APPBP2: variants seen among roughly 807,000 people sequenced by gnomAD.
APPBP2 encodes amyloid beta precursor protein binding protein 2, also known as amyloid protein-binding protein 2.
In APPBP2, 15 loss-of-function variants were observed where a neutral mutation model predicts 76.0. The observed-to-expected ratio is 0.20, with a 90% CI of 0.13 to 0.30. The LOEUF (loss-of-function observed/expected upper bound fraction) is 0.30, where lower values mean the gene tolerates loss of function less well. Among genes scored for constraint, APPBP2 ranks in the 10% least tolerant of loss-of-function variants. The pLI, the probability that APPBP2 is intolerant of heterozygous loss-of-function variation, is 1.00. For synonymous variants in APPBP2, 222 were observed against 242.2 expected (o/e 0.92, Z 0.77); for missense variants, 401 against 687.2 (o/e 0.58, Z 4.66).
chr17:60,466,522 T>A, intron 4 of APPBP2, 63 bp from the exon 5 acceptor site: 1 of 1,461,986 alleles, frequency 6.8e-7, no homozygotes, highest in Non-Finnish European at 9.4e-7. Flanking sequence ...CCTGATGACC[T>A]CTTACCAATC....
At chr17:60,509,734 G>A (rs982622550) in intron 1 of APPBP2, among the ~76,000 whole-genome samples, 1 of 152,204 alleles carries the variant, frequency 6.6e-6, no homozygotes, top group African/African-American at 2.4e-5. Context: ...AGGAGGTGGA[G>A]GCTGCGGTGA....
chr17:60,445,636 T>C lies in APPBP2; in HGVS notation c.*1945A>G, dbSNP rs2090339608. The C allele has an allele frequency of 6.6e-6, 1 of 152,174 alleles. No individual in the cohort carries two copies. The highest frequency in any genetic ancestry group is 2.4e-5 in the African/African-American group (1 of 41,352). The allele number at this position is 152,174 out of a possible 1,614,324, so 9.4% of individuals were successfully genotyped here. On this transcript the variant is annotated 3_prime_UTR_variant, in exon 13 of 13. Coordinates refer to ENST00000083182, the MANE Select transcript of APPBP2 (RefSeq NM_006380.5). ...AGGATAGAGCTGAGTAACTTAAAAA[T>C]GTTAGTCCTTGGTCACAAAGACTAT... is the stretch of plus-strand genomic sequence containing the variant.
rs113119147 is a variant in APPBP2, at chr17:60,503,544, C to T, written c.139-3057G>A. Among the ~76,000 whole-genome samples, 284 of 145,660 alleles carry T rather than the reference C, an allele frequency of 1.9e-3. 51 individuals are homozygous for T. The highest frequency in any genetic ancestry group is 7.8e-3 in the African/African-American group (274 of 35,314). On this transcript the variant is annotated intron_variant, in intron 1 of 12. Transcript: ENST00000083182. ...GGGATTACAGGCGCCCGCCACCACG[C>T]CCAGCTAATTTTTGTATTTTTAGTA...
Position 60,505,676 on chromosome 17 carries a change from G to GTTTTTTTT in APPBP2, c.139-5197_139-5190dup, listed in dbSNP as rs1170935393. ...TCCTAAAAGCCACCTGACCCCTGCG[G>GTTTTTTTT]TTTTTTTTTTTTTTTTTTTTTTTTT... On this transcript the variant is annotated intron_variant, in intron 1 of 12. Transcript: ENST00000083182. 6.9e-3 allele frequency among the ~76,000 whole-genome samples: 588 copies of GTTTTTTTT among 85,678 alleles called. 99 individuals carry two copies. Among genetic ancestry groups the GTTTTTTTT allele is most frequent in the African/African-American group, 0.043 (554 of 12,972 alleles). The allele number at this position is 85,678 out of a possible 152,430, so 56.2% of individuals were successfully genotyped here.
intron 1 of APPBP2, among the ~76,000 whole-genome samples, chr17:60,523,228 A>T (rs2091024718): frequency 6.6e-6 from 1 of 152,146 alleles, no homozygotes; most frequent in Non-Finnish European, 1.5e-5. Context: ...AATTTTCACA[A>T]GTTGGGCAGG....
In APPBP2 at chr17:60,443,988, C is replaced by A. The variant is rs1309395716; in HGVS notation, c.*3593G>T. The A allele has an allele frequency of 6.6e-6, 1 of 152,194 alleles. No homozygotes were observed. The highest frequency in any genetic ancestry group is 6.6e-5 in the Admixed American group (1 of 15,236). The allele number at this position is 152,194 out of a possible 1,614,324, so 9.4% of individuals were successfully genotyped here. A position where few individuals can be genotyped will look rare whatever the true frequency, so the allele number is the denominator to read the frequency against. ...AACAACAAAAAATTTCCTAGCCAGG[C>A]GTGGTGGCAGGAGCCTGTAATCCCA... On this transcript the variant is annotated 3_prime_UTR_variant, in exon 13 of 13. Coordinates refer to ENST00000083182, the MANE Select transcript of APPBP2 (RefSeq NM_006380.5).
intron 1 of APPBP2, among the ~76,000 whole-genome samples, chr17:60,503,213 A>G (rs1028972152): frequency 2.1e-5 from 3 of 144,922 alleles, no homozygotes; most frequent in Non-Finnish European, 4.4e-5. Flanking sequence ...AGGTTTCAAC[A>G]TGTTAGCCAG....
chr17:60,471,492 T>C (rs1426484197), intron 4 of APPBP2, among the ~76,000 whole-genome samples: 1 of 140,820 alleles, frequency 7.1e-6, no homozygotes, highest in South Asian at 2.1e-4. Flanking sequence ...TTCCTTTCTA[T>C]TCCTAGCTTT....
chr17:60,506,748 C>A (rs759205601), intron 1 of APPBP2, among the ~76,000 whole-genome samples: 4 of 152,224 alleles, frequency 2.6e-5, no homozygotes, highest in Admixed American at 6.5e-5. Context: ...TTAAAAAAAA[C>A]ATTTTCCCCC....
At chr17:60,497,817 A>C (rs1029541007) in intron 2 of APPBP2, among the ~76,000 whole-genome samples, 1 of 152,042 alleles carries the variant, frequency 6.6e-6, no homozygotes, top group Non-Finnish European at 1.5e-5. Context: ...ATAAAATGGC[A>C]GTTAAACTTA....
chr17:60,465,992 C>T lies in APPBP2; in HGVS notation c.672+299G>A, dbSNP rs146787385. Reference sequence around the variant, plus strand: ...TTGTGACCACCACAGGCGTGTGCTACACATGCGGCTAATTTTCTATAGAGG... The same window carrying T: ...TTGTGACCACCACAGGCGTGTGCTATACATGCGGCTAATTTTCTATAGAGG... On this transcript the variant is annotated intron_variant, in intron 5 of 12. Coordinates refer to ENST00000083182, the MANE Select transcript of APPBP2 (RefSeq NM_006380.5). Among the ~76,000 whole-genome samples, 875 of 152,174 alleles carry T rather than the reference C, an allele frequency of 5.7e-3. 8 individuals are homozygous for T. Among genetic ancestry groups the T allele is most frequent in the South Asian group, 0.011 (55 of 4,824 alleles).
At chr17:60,517,766 C>T (rs1014722366) in intron 1 of APPBP2, among the ~76,000 whole-genome samples, 1 of 152,170 alleles carries the variant, frequency 6.6e-6, no homozygotes, top group African/African-American at 2.4e-5. Flanking sequence ...ACCATATTAC[C>T]TTAATTGTTA....
intron 3 of APPBP2, among the ~76,000 whole-genome samples, chr17:60,489,922 C>G (rs2090712982): frequency 6.6e-6 from 1 of 152,072 alleles, no homozygotes. Flanking sequence ...GTAATCTCGG[C>G]TACTTGGGAG....
intron 1 of APPBP2, among the ~76,000 whole-genome samples, chr17:60,512,259 C>T (rs1299114745): frequency 2.6e-5 from 4 of 151,984 alleles, no homozygotes; most frequent in Admixed American, 2.0e-4. Context: ...CCCACCACCA[C>T]GCCCAGCTAA....
rs201489218 is a variant in APPBP2, at chr17:60,494,984, G to T, written c.228-367C>A. On this transcript the variant is annotated intron_variant, in intron 2 of 12. Coordinates refer to ENST00000083182, the MANE Select transcript of APPBP2 (RefSeq NM_006380.5). ...AGAAGAGTTTTTTTTGTTTTGTTTT[G>T]TTTTTTTTTTTTTTTTTTGAGATGG... Among the ~76,000 whole-genome samples the T allele has an allele frequency of 3.6e-3, 390 of 106,954 alleles. 1 individual carries two copies. Among genetic ancestry groups the T allele is most frequent in the South Asian group, 7.4e-3 (26 of 3,514 alleles). 70.2% of individuals were successfully genotyped at this position (106,954 alleles called of 152,430 possible).
Position 60,445,221 on chromosome 17 carries a change from G to C in APPBP2, c.*2360C>G, listed in dbSNP as rs2090336093. 1 of 152,540 alleles carries C rather than the reference G, an allele frequency of 6.6e-6. No individual in the cohort carries two copies. The highest frequency in any genetic ancestry group is 2.1e-4 in the South Asian group (1 of 4,824). 9.4% of individuals were successfully genotyped at this position (152,540 alleles called of 1,614,324 possible). A position where few individuals can be genotyped will look rare whatever the true frequency, so the allele number is the denominator to read the frequency against. On this transcript the variant is annotated 3_prime_UTR_variant, in exon 13 of 13. Coordinates refer to ENST00000083182, the MANE Select transcript of APPBP2 (RefSeq NM_006380.5). ...ACAAAAAAACTACATTAAAGCAGTG[G>C]TGATAAGGAGAAACTGCCAATAATG... is the stretch of plus-strand genomic sequence containing the variant.
intron 3 of APPBP2, among the ~76,000 whole-genome samples, chr17:60,490,059 AAC>A (rs1192904030): frequency 6.6e-6 from 1 of 152,040 alleles, no homozygotes; most frequent in Admixed American, 6.6e-5. Context: ...AACAAAACAA[AAC>A]AAAACAAAAA....
rs185569018 is a variant in APPBP2, at chr17:60,452,563, G to A, written c.1339-518C>T. Among the ~76,000 whole-genome samples, 142 of 152,210 alleles carry A rather than the reference G, an allele frequency of 9.3e-4. 2 individuals are homozygous for A. Among genetic ancestry groups the A allele is most frequent in the Admixed American group, 9.0e-3 (137 of 15,280 alleles). On this transcript the variant is annotated intron_variant, in intron 11 of 12. Transcript: ENST00000083182. ...CTCAAGCTAATTGAGGGATATACAG[G>A]TTGCTTTTCAGGTAAAGAAGACCTC... is the stretch of plus-strand genomic sequence containing the variant.
chr17:60,471,079 G>T (rs527311654), intron 4 of APPBP2, among the ~76,000 whole-genome samples: 2 of 152,142 alleles, frequency 1.3e-5, no homozygotes, highest in Admixed American at 1.3e-4. Context: ...TTACAGGTGT[G>T]AGCCACAGGG....
Sources: gnomAD v4.1 joint callset for allele counts (sites outside exome capture counted in the v4.1 genomes callset) on GRCh38, gnomAD v4.1.1 for gene constraint, MANE v1.5 for transcripts, NCBI Gene and HGNC (gene_info 2026-07-23, HGNC 2026-07-21) for gene names.